USP54: variants seen among roughly 807,000 people sequenced by gnomAD.
The protein encoded by USP54 is ubiquitin specific peptidase 54.
USP54 carries 87 observed loss-of-function variants against 170.5 expected under a neutral mutation model. The ratio of observed to expected loss-of-function variants is 0.51; its 90% CI spans 0.43 to 0.61. USP54 has a LOEUF of 0.61. Ranked by LOEUF, USP54 falls within the 20% of genes least tolerant of loss-of-function variation. The pLI is 0.00. For synonymous variants in USP54, 655 were observed against 742.8 expected (o/e 0.88, Z 1.92); for missense variants, 1,786 against 2,047.8 (o/e 0.87, Z 2.47).
rs60392232 is a variant in USP54 at position 73,514,625 on chromosome 10, A to C, written c.4051+1750T>G. ...TTAGATAGAAAGCTCACTGAGGCAG[A>C]CTCCAGCTTTCCCTTATTCTTTAGA... On this transcript the variant is annotated intron_variant, in intron 20 of 23. Coordinates refer to ENST00000687698, the MANE Select transcript of USP54 (RefSeq NM_001391956.1). Among the ~76,000 whole-genome samples the C allele has an allele frequency of 7.7e-3, 1,171 of 151,992 alleles. 13 individuals carry two copies. Among genetic ancestry groups the C allele is most frequent in the African/African-American group, 0.027 (1,105 of 41,430 alleles).
At chr10:73,501,302 T>C (rs1041943925) in intron 22 of USP54, among the ~76,000 whole-genome samples, 1 of 152,240 alleles carries the variant, frequency 6.6e-6, no homozygotes, top group Admixed American at 6.5e-5. Flanking sequence ...CTGTCACTGC[T>C]ACACATTCCA....
intron 19 of USP54, 64 bp from the exon 20 acceptor site, chr10:73,517,811 A>T: frequency 6.6e-7 from 1 of 1,516,276 alleles, no homozygotes. Context: ...TACAGAAAGA[A>T]CTCAACATTC....
intron 7 of USP54, 67 bp from the exon 8 acceptor site, chr10:73,541,805 G>A (rs755650753): frequency 1.4e-5 from 21 of 1,479,870 alleles, no homozygotes; most frequent in Non-Finnish European, 1.8e-5. Flanking sequence ...AAACATTAAT[G>A]TACATTCCTA....
intron 22 of USP54, chr10:73,504,221 C>A (rs2058683656): frequency 6.5e-6 from 1 of 152,702 alleles, no homozygotes; most frequent in South Asian, 2.1e-4. Flanking sequence ...TGTACCCTGA[C>A]CTCTACTGTG....
intron 20 of USP54, among the ~76,000 whole-genome samples, chr10:73,507,558 C>G (rs1015331154): frequency 6.6e-6 from 1 of 150,568 alleles, no homozygotes; most frequent in African/African-American, 2.4e-5. Flanking sequence ...CCTGTAATCC[C>G]AGCTACTCAG....
At chr10:73,521,353 G>A (rs1032026088) in intron 17 of USP54, among the ~76,000 whole-genome samples, 2 of 152,208 alleles carry the variant, frequency 1.3e-5, no homozygotes, top group African/African-American at 4.8e-5. Flanking sequence ...GCGAGCGGAG[G>A]AAGTCCCTCA....
At chr10:73,507,203 A>C (rs2133191577) in intron 20 of USP54, 1 of 151,924 alleles carries the variant, frequency 6.6e-6, no homozygotes, top group South Asian at 2.1e-4. Context: ...GTGTATGCAC[A>C]CTAGATAATT....
chr10:73,612,541 G>A (rs2080230248), intron 1 of USP54, among the ~76,000 whole-genome samples: 1 of 152,006 alleles, frequency 6.6e-6, no homozygotes, highest in Non-Finnish European at 1.5e-5. Context: ...CCAGCTATAT[G>A]ATAAAGAATA....
At position 73,516,770 on chromosome 10, in the gene USP54, G is replaced by T. The variant is rs1387134912; in HGVS notation, c.3656C>A (p.Thr1219Asn). 4 of 1,614,160 alleles carry T rather than the reference G, an allele frequency of 2.5e-6. No homozygotes were observed. Among genetic ancestry groups the T allele is most frequent in the Non-Finnish European group, 3.4e-6 (4 of 1,180,022 alleles). ...ALNSGLPNGE[T>N]SSGGQPRLAE... is the part of the protein sequence containing the mutation. The stretch of plus-strand genomic sequence containing the variant: ...CAACCTGGGCTGTCCTCCGCTAGAA[G>T]TTTCACCATTAGGCAGCCCAGAGTT... The change falls in exon 20 of 24, where the codon ACT becomes AAT. Residue 1219 changes from threonine to asparagine, a missense_variant. Thr to Asn is a moderately conservative substitution (Grantham distance 65). Transcript: ENST00000687698.
intron 1 of USP54, chr10:73,624,618 A>G (rs925043149): frequency 6.6e-6 from 1 of 152,212 alleles, no homozygotes; most frequent in Non-Finnish European, 1.5e-5. Context: ...AAAGATAGAA[A>G]AATGATCAGA....
upstream of USP54, among the ~76,000 whole-genome samples, chr10:73,596,243 G>T (rs1195145598): frequency 6.6e-6 from 1 of 151,816 alleles, no homozygotes; most frequent in Non-Finnish European, 1.5e-5. Flanking sequence ...CCAACATGGT[G>T]AAACCCCATC....
intron 1 of USP54, among the ~76,000 whole-genome samples, chr10:73,622,774 G>A (rs2081194658): frequency 6.6e-6 from 1 of 151,762 alleles, no homozygotes; most frequent in African/African-American, 2.4e-5. Context: ...GCAACATAGG[G>A]AGATCCTGTC....
chr10:73,537,311 TACA>T (rs1177802018), intron 10 of USP54, among the ~76,000 whole-genome samples: 1 of 152,154 alleles, frequency 6.6e-6, no homozygotes, highest in Non-Finnish European at 1.5e-5. Flanking sequence ...TGCCCCAAAT[TACA>T]ACAACGCAAA....
intron 1 of USP54, among the ~76,000 whole-genome samples, chr10:73,613,021 G>C (rs1158368481): frequency 6.6e-6 from 1 of 151,756 alleles, no homozygotes; most frequent in Admixed American, 6.6e-5. Flanking sequence ...GCCAAGCATG[G>C]TGGTGCGTGC....
intron 1 of USP54, among the ~76,000 whole-genome samples, chr10:73,620,494 TTTTTTC>T (rs2081004677): frequency 6.8e-6 from 1 of 147,294 alleles, no homozygotes; most frequent in African/African-American, 2.6e-5. Context: ...TTTTTTTTTT[TTTTTTC>T]TCAGTAGAAA....
At chr10:73,596,627 G>C (rs1161582517) in intron 1 of USP54, among the ~76,000 whole-genome samples, 1 of 148,272 alleles carries the variant, frequency 6.7e-6, no homozygotes, top group East Asian at 2.0e-4. Context: ...GCTGGGGCAG[G>C]AGAATCACTT....
intron 20 of USP54, among the ~76,000 whole-genome samples, chr10:73,508,386 G>T (rs1392036564): frequency 6.9e-6 from 1 of 145,922 alleles, no homozygotes. Context: ...CAGACTGGGC[G>T]ATAGAGTGAG....
chr10:73,510,028 G>A (rs2059941459), intron 20 of USP54, among the ~76,000 whole-genome samples: 1 of 151,984 alleles, frequency 6.6e-6, no homozygotes, highest in African/African-American at 2.4e-5. Context: ...AAGGAAAGTG[G>A]GGGAGGTATA....
chr10:73,602,676 T>G (rs1443957485), intron 1 of USP54, among the ~76,000 whole-genome samples: 1 of 150,396 alleles, frequency 6.6e-6, no homozygotes, highest in East Asian at 1.9e-4. Context: ...CTGACCAAGG[T>G]GAAAACCTGT....
Sources: gnomAD v4.1 joint callset for allele counts (sites outside exome capture counted in the v4.1 genomes callset) on GRCh38, gnomAD v4.1.1 for gene constraint, MANE v1.5 for transcripts, NCBI Gene and HGNC (gene_info 2026-07-23, HGNC 2026-07-21) for gene names.